Variants in TCF7 observed in about 807,000 individuals in gnomAD.
The protein encoded by TCF7 is transcription factor 7, also known as T-cell-factor-7.
TCF7 carries 19 observed loss-of-function variants against 46.8 expected under a neutral mutation model. The ratio of observed to expected loss-of-function variants is 0.41; its 90% confidence interval spans 0.28 to 0.60. The LOEUF is 0.60. Ranked by LOEUF, TCF7 falls within the 20% of genes least tolerant of loss-of-function variation. TCF7 has a pLI of 0.35. For synonymous variants in TCF7, 245 were observed against 213.4 expected (o/e 1.15, Z -1.29); for missense variants, 547 against 504.6 (o/e 1.08, Z -0.81).
chr5:134,144,997 G>A (rs1174968490), intron 9 of TCF7: 3 of 807,486 alleles, frequency 3.7e-6, no homozygotes, highest in Non-Finnish European at 6.3e-6. Context: ...CAGATTGGGA[G>A]CCCAGGCCTC....
Position 134,142,585 on chromosome 5 carries a change from G to A in TCF7, c.756-136G>A, listed in dbSNP as rs993204794. 1.3e-5 allele frequency: 16 copies of A among 1,189,650 alleles called. No homozygotes were observed. The East Asian group carries it at 3.6e-4, about 27-fold the overall frequency. The allele number at this position is 1,189,650 out of a possible 1,614,324, so 73.7% of individuals were successfully genotyped here. ...TAGCTGTCTGCTCACCCATTTGGGG[G>A]CAGCTAGGAAAGATTCCACTTAGAA... On this transcript the variant is annotated intron_variant, in intron 6 of 9. Transcript: ENST00000342854.
intron 3 of TCF7, chr5:134,123,878 G>C (rs969010865): frequency 8.8e-6 from 4 of 454,558 alleles, no homozygotes; most frequent in African/African-American, 4.0e-5. Flanking sequence ...GGAGGAACTC[G>C]AACAGAGCCA....
chr5:134,139,013 G>A lies in TCF7; in HGVS notation c.610G>A (p.Gly204Arg), dbSNP rs935358237. 7 of 1,613,888 alleles carry A rather than the reference G, an allele frequency of 4.3e-6. No individual in the cohort carries two copies. The highest frequency in any genetic ancestry group is 4.2e-6 in the Non-Finnish European group (5 of 1,180,024). ...CTACTCCCTGACCTCAGGCAGCATG[G>A]GGCAGCTCCCCCACACTGTGAGCTG... ...GFYSLTSGSM[G>R]QLPHTVSWFT... The change falls in exon 5 of 10, where the codon GGG becomes AGG. Residue 204 changes from glycine to arginine, a missense_variant. Gly to Arg is a moderately radical substitution (Grantham distance 125, BLOSUM62 -2). This residue lies in a region of TCF7 where 425 missense variants were observed against 349.9 expected (regional missense o/e 1.21). Transcript: ENST00000342854.
chr5:134,143,615 G>A lies in TCF7; in HGVS notation c.1050G>A (p.Arg350=), dbSNP rs1026678101. The A allele has an allele frequency of 3.1e-6, 5 of 1,614,056 alleles. No homozygotes were observed. The highest frequency in any genetic ancestry group is 2.2e-5 in the East Asian group (1 of 44,870). Residue 350 remains arginine (R), a synonymous_variant, in exon 9 of 10, where the codon AGG becomes AGA. Coordinates refer to ENST00000342854, the MANE Select transcript of TCF7 (RefSeq NM_003202.5). ...AGGGGAAGAAGAAGAGGCGGTCGAG[G>A]GAAAAGCACCAAGAATCCACCACAG... is the stretch of plus-strand genomic sequence containing the variant. The part of the protein sequence containing the change: ...DNYGKKKRRS[R]EKHQESTTGG...
Position 134,114,838 on chromosome 5 carries a change from C to A in TCF7, c.-69C>A, listed in dbSNP as rs1423322090. On this transcript the variant is annotated 5_prime_UTR_variant, in exon 1 of 10. Transcript: ENST00000342854. The stretch of plus-strand genomic sequence containing the variant: ...AGGTTCGGACTCCGGGCTCGCCGCC[C>A]CCCGGGCCGGCTCCGCGCCCCGCAC... 2.0e-6 allele frequency: 2 copies of A among 981,350 alleles called. No homozygotes were observed. The highest frequency in any genetic ancestry group is 2.4e-6 in the Non-Finnish European group (2 of 828,622). The allele number at this position is 981,350 out of a possible 1,614,324, so 60.8% of individuals were successfully genotyped here. A position where few individuals can be genotyped will look rare whatever the true frequency, so the allele number is the denominator to read the frequency against.
intron 3 of TCF7, among the ~76,000 whole-genome samples, chr5:134,130,544 G>C (rs868031204): frequency 3.9e-5 from 6 of 152,218 alleles, no homozygotes; most frequent in Non-Finnish European, 7.3e-5. Context: ...CCAGAAGAAG[G>C]GGTGCTTTTT....
In TCF7 at chr5:134,143,578, T is replaced by G; in HGVS notation, c.1027-14T>G. The G allele has an allele frequency of 1.2e-6, 2 of 1,614,048 alleles. No individual in the cohort carries two copies. The highest frequency in any genetic ancestry group is 1.7e-6 in the Non-Finnish European group (2 of 1,179,982). ...CCTCCCAGATCTGAGCATCCCTCCT[T>G]TTGTTCCCTGCAGGGGAAGAAGAAG... is the stretch of plus-strand genomic sequence containing the variant. On this transcript the variant is annotated splice_polypyrimidine_tract_variant and intron_variant, in intron 8 of 9. Transcript: ENST00000342854.
chr5:134,144,913 TTCCCTGA>T, intron 9 of TCF7: 1 of 1,545,054 alleles, frequency 6.5e-7, no homozygotes, highest in South Asian at 1.1e-5. Flanking sequence ...TTTAAGCTGC[TTCCCTGA>T]CTCTGCACAT....
At chr5:134,126,225 C>T (rs1006681920) in intron 3 of TCF7, among the ~76,000 whole-genome samples, 1 of 152,132 alleles carries the variant, frequency 6.6e-6, no homozygotes, top group African/African-American at 2.4e-5. Context: ...AAGGTCCAGG[C>T]GGGCTGGCCA....
rs550776504 is a variant in TCF7 at position 134,114,929 on chromosome 5, GGGGCGGCGC to G, written c.32_40del (p.Ala11_Gly13del). On this transcript the variant is annotated inframe_deletion, in exon 1 of 10. Coordinates refer to ENST00000342854, the MANE Select transcript of TCF7 (RefSeq NM_003202.5). The stretch of plus-strand genomic sequence containing the variant: ...ACCATGCCGCAGCTGGACTCCGGCG[GGGGCGGCGC>G]GGGCGGCGGCGACGACCTCGGCGCG... 36 of 1,080,360 alleles carry G rather than the reference GGGGCGGCGC, an allele frequency of 3.3e-5. No homozygotes were observed. The Admixed American group carries it at 4.1e-4, about 12-fold the overall frequency. The allele number at this position is 1,080,360 out of a possible 1,614,324, so 66.9% of individuals were successfully genotyped here.
intron 3 of TCF7, among the ~76,000 whole-genome samples, chr5:134,117,494 C>A (rs1298431059): frequency 1.3e-5 from 2 of 152,244 alleles, no homozygotes; most frequent in Non-Finnish European, 2.9e-5. Context: ...AGACAAAAGG[C>A]CTAGGCCCAA....
intron 3 of TCF7, among the ~76,000 whole-genome samples, chr5:134,122,742 C>T (rs1457335758): frequency 6.6e-6 from 1 of 152,210 alleles, no homozygotes; most frequent in Non-Finnish European, 1.5e-5. Flanking sequence ...CACCTTGTGA[C>T]TGGTGCTTCC....
At chr5:134,133,432 C>T (rs574284624) in intron 3 of TCF7, among the ~76,000 whole-genome samples, 1 of 152,108 alleles carries the variant, frequency 6.6e-6, no homozygotes, top group South Asian at 2.1e-4. Context: ...GGGAGGGGGG[C>T]TTCAGTCACC....
In TCF7 at chr5:134,146,521, G is replaced by C. The variant is rs1760732138; in HGVS notation, c.*218G>C. The stretch of plus-strand genomic sequence containing the variant: ...AGGAATCTCAGAGACAGGTGGCCTA[G>C]CAGGCACAGGACACCTGGCCGCCTC... On this transcript the variant is annotated 3_prime_UTR_variant, in exon 10 of 10. Coordinates refer to ENST00000342854, the MANE Select transcript of TCF7 (RefSeq NM_003202.5). The C allele has an allele frequency of 1.4e-6, 1 of 727,962 alleles. No homozygotes were observed. The highest frequency in any genetic ancestry group is 2.3e-4 in the Middle Eastern group (1 of 4,400). 45.1% of individuals were successfully genotyped at this position (727,962 alleles called of 1,614,324 possible). A position where few individuals can be genotyped will look rare whatever the true frequency, so the allele number is the denominator to read the frequency against.
chr5:134,119,659 C>T lies in TCF7; in HGVS notation c.441+3626C>T, dbSNP rs376620952. On this transcript the variant is annotated intron_variant, in intron 3 of 9. Coordinates refer to ENST00000342854, the MANE Select transcript of TCF7 (RefSeq NM_003202.5). ...TCCAGCAGAAGGAGCCTCACTGAGG[C>T]AGTGGACTCATGTTGGGGCTCCCGG... 4.6e-5 allele frequency among the ~76,000 whole-genome samples: 7 copies of T among 152,198 alleles called. No homozygotes were observed. In the East Asian group the frequency reaches 5.8e-4, roughly 13 times the overall value.
chr5:134,133,361 A>G (rs886958353), intron 3 of TCF7, among the ~76,000 whole-genome samples: 9 of 152,206 alleles, frequency 5.9e-5, no homozygotes, highest in Middle Eastern at 6.8e-3. Flanking sequence ...GGTGGGGACA[A>G]TCACCCTAGG....
intron 3 of TCF7, chr5:134,123,826 G>A: frequency 4.4e-6 from 2 of 456,368 alleles, no homozygotes; most frequent in South Asian, 3.1e-5. Flanking sequence ...GGGAGAGCCA[G>A]CTGCTGGGGC....
chr5:134,145,356 G>A, intron 9 of TCF7: 1 of 545,578 alleles, frequency 1.8e-6, no homozygotes, highest in Non-Finnish European at 3.6e-6. Flanking sequence ...CTTATGACTT[G>A]CTATCTTGTA....
At position 134,147,973 on chromosome 5, in the gene TCF7, C is replaced by CAAAAAAAAAAAAAAAAAAAAAAAAA. The variant is rs57382538; in HGVS notation, c.*1694_*1695insAAAAAAAAAAAAAAAAAAAAAAAAA. 2.1e-5 allele frequency: 1 copy of CAAAAAAAAAAAAAAAAAAAAAAAAA among 48,178 alleles called. No homozygotes were observed. The highest frequency in any genetic ancestry group is 4.1e-5 in the Non-Finnish European group (1 of 24,182). The allele number at this position is 48,178 out of a possible 1,614,324, so 3.0% of individuals were successfully genotyped here. A position where few individuals can be genotyped will look rare whatever the true frequency, so the allele number is the denominator to read the frequency against. ...TCTGGGTAACAGGGAGACTGCATCT[C>CAAAAAAAAAAAAAAAAAAAAAAAAA]AAAAAAAAAAAAAAAAAAAAAAAAG... On this transcript the variant is annotated 3_prime_UTR_variant, in exon 10 of 10. Coordinates refer to ENST00000342854, the MANE Select transcript of TCF7 (RefSeq NM_003202.5).
Sources: allele counts gnomAD v4.1 joint callset (sites outside exome capture counted in the v4.1 genomes callset), GRCh38; gene constraint gnomAD v4.1.1; regional missense constraint gnomAD v4.1.1; transcripts MANE v1.5; gene names NCBI Gene and HGNC (gene_info 2026-07-23, HGNC 2026-07-21).